The following CPE variants were observed in gnomAD, a reference collection of about 807,000 sequenced individuals.
CPE encodes carboxypeptidase E.
In CPE, 17 loss-of-function variants were observed where a neutral mutation model predicts 53.5. The observed-to-expected ratio is 0.32, with a 90% confidence interval of 0.22 to 0.48. CPE has a LOEUF of 0.48. CPE is among the 20% of genes least tolerant of loss of function. The pLI is 0.99. For missense variants in CPE, 524 were observed against 614.7 expected (o/e 0.85, Z 1.56); for synonymous variants, 226 against 228.8 (o/e 0.99, Z 0.11).
intron 7 of CPE, 125 bp from the exon 8 acceptor site, chr4:165,495,434 T>C: frequency 1.6e-6 from 1 of 629,422 alleles, no homozygotes; most frequent in East Asian, 2.6e-5. Context: ...ATATTTACTT[T>C]AAAAATCGAG....
intron 4 of CPE, among the ~76,000 whole-genome samples, chr4:165,482,741 C>T (rs1364384080): frequency 1.3e-5 from 2 of 152,154 alleles, no homozygotes; most frequent in Non-Finnish European, 2.9e-5. Context: ...GGTGCTTGAT[C>T]AGGATCCCTG....
intron 2 of CPE, among the ~76,000 whole-genome samples, chr4:165,466,087 T>G (rs1337934689): frequency 6.6e-6 from 1 of 152,188 alleles, no homozygotes; most frequent in East Asian, 1.9e-4. Context: ...AATGCAATGT[T>G]GGGTGATTTT....
intron 1 of CPE, among the ~76,000 whole-genome samples, chr4:165,424,879 C>CTT (rs777344411): frequency 7.3e-6 from 1 of 137,740 alleles, no homozygotes; most frequent in Non-Finnish European, 1.6e-5. Context: ...AAAGTAGAAA[C>CTT]TTTTTTTTTT....
chr4:165,471,005 G>T (rs1732196331), intron 3 of CPE, among the ~76,000 whole-genome samples: 1 of 152,160 alleles, frequency 6.6e-6, no homozygotes, highest in African/African-American at 2.4e-5. Context: ...ACATGATGGT[G>T]TCTCTCACTG....
chr4:165,405,393 A>T, intron 1 of CPE: 1 of 1,042,336 alleles, frequency 9.6e-7, no homozygotes, highest in Non-Finnish European at 1.5e-6. Flanking sequence ...AATTTCTGAG[A>T]TTCAGAGAGA....
At chr4:165,468,834 C>T (rs1314446242) in intron 3 of CPE, among the ~76,000 whole-genome samples, 1 of 152,144 alleles carries the variant, frequency 6.6e-6, no homozygotes, top group Non-Finnish European at 1.5e-5. Context: ...CTTAAAAAAC[C>T]TTAGCAGCTC....
At chr4:165,495,764 C>A in intron 8 of CPE, 87 bp downstream of exon 8, 1 of 917,436 alleles carries the variant, frequency 1.1e-6, no homozygotes, top group Non-Finnish European at 1.6e-6. Flanking sequence ...TATATTTAAT[C>A]TTCGTACTAG....
At chr4:165,409,723 T>C (rs1731007599) in intron 1 of CPE, among the ~76,000 whole-genome samples, 1 of 152,152 alleles carries the variant, frequency 6.6e-6, no homozygotes, top group Non-Finnish European at 1.5e-5. Context: ...TGGAACAAAC[T>C]AGGATGAGCC....
chr4:165,479,939 C>A (rs551249681), intron 3 of CPE, among the ~76,000 whole-genome samples: 12 of 150,296 alleles, frequency 8.0e-5, no homozygotes, highest in African/African-American at 2.7e-4. Flanking sequence ...TTGCAGTGAA[C>A]CAAGATCGCT....
At chr4:165,458,360 A>G (rs1228066646) in intron 1 of CPE, among the ~76,000 whole-genome samples, 7 of 152,220 alleles carry the variant, frequency 4.6e-5, no homozygotes, top group African/African-American at 1.4e-4. Flanking sequence ...TATTACATGT[A>G]CCAGGAACAC....
intron 3 of CPE, 49 bp from the exon 4 acceptor site, chr4:165,482,193 T>C (rs779987140): frequency 1.7e-5 from 21 of 1,245,396 alleles, no homozygotes; most frequent in Non-Finnish European, 2.4e-5. Context: ...CAAGTGATCA[T>C]ACCAATGATT....
chr4:165,483,304 T>C (rs1347815444), intron 4 of CPE, among the ~76,000 whole-genome samples: 1 of 152,206 alleles, frequency 6.6e-6, no homozygotes, highest in Non-Finnish European at 1.5e-5. Context: ...TCCATGTCGT[T>C]GCAAAATACA....
chr4:165,406,417 T>A (rs977439041), intron 1 of CPE: 1 of 354,780 alleles, frequency 2.8e-6, no homozygotes, highest in African/African-American at 2.1e-5. Context: ...TGTATTAGCT[T>A]TTTAAATGTA....
intron 1 of CPE, among the ~76,000 whole-genome samples, chr4:165,457,319 G>A (rs1314592743): frequency 6.6e-6 from 1 of 152,214 alleles, no homozygotes. Context: ...AATTAGAGCT[G>A]AGTGTGAAAC....
chr4:165,419,664 G>A (rs1731174580), intron 1 of CPE, among the ~76,000 whole-genome samples: 1 of 152,100 alleles, frequency 6.6e-6, no homozygotes, highest in Non-Finnish European at 1.5e-5. Context: ...ATGGCAGAAG[G>A]GGTTTTGCAC....
At position 165,379,677 on chromosome 4, in the gene CPE, G is replaced by A. The variant is rs1395853095; in HGVS notation, c.307+149G>A. The A allele has an allele frequency of 3.5e-6, 3 of 845,682 alleles. No individual in the cohort carries two copies. Among genetic ancestry groups the A allele is most frequent in the East Asian group, 2.9e-5 (1 of 34,988 alleles). The allele number at this position is 845,682 out of a possible 1,614,324, so 52.4% of individuals were successfully genotyped here. On this transcript the variant is annotated intron_variant, in intron 1 of 8. Coordinates refer to ENST00000402744, the MANE Select transcript of CPE (RefSeq NM_001873.4). The surrounding 1 kb of genome is among the most constrained non-coding windows in gnomAD (Gnocchi z 6.0). ...CTAAGGTGGAAGGTGGGAAGTGGAG[G>A]GAGGGATGGAAATGGGGAAGAACCC...
intron 1 of CPE, among the ~76,000 whole-genome samples, chr4:165,451,045 G>T (rs1731798925): frequency 6.6e-6 from 1 of 152,206 alleles, no homozygotes; most frequent in East Asian, 1.9e-4. Context: ...CAAGCCGCAT[G>T]GCATCCCAGG....
rs148616513 is a variant in CPE at position 165,403,123 on chromosome 4, G to A, written c.307+23595G>A. 2.4e-3 allele frequency among the ~76,000 whole-genome samples: 363 copies of A among 152,146 alleles called. 2 individuals carry two copies. The highest frequency in any genetic ancestry group is 8.5e-3 in the African/African-American group (352 of 41,530). On this transcript the variant is annotated intron_variant, in intron 1 of 8. Transcript: ENST00000402744. Reference sequence around the variant, plus strand: ...CACTGGGAATCAACTAGAAATTAACGGTGATTATGAAGAATATTTTGATTG... The same window carrying A: ...CACTGGGAATCAACTAGAAATTAACAGTGATTATGAAGAATATTTTGATTG...
At chr4:165,410,227 A>G (rs1731015069) in intron 1 of CPE, among the ~76,000 whole-genome samples, 1 of 148,962 alleles carries the variant, frequency 6.7e-6, no homozygotes, top group Non-Finnish European at 1.5e-5. Context: ...GTAACCTGAC[A>G]GAGGGATACT....
Sources: gnomAD v4.1 joint callset for allele counts (sites outside exome capture counted in the v4.1 genomes callset) on GRCh38, gnomAD v4.1.1 for gene constraint, Gnocchi (gnomAD v3.1) non-coding constraint, MANE v1.5 for transcripts, NCBI Gene and HGNC (gene_info 2026-07-23, HGNC 2026-07-21) for gene names.